The following HCFC2 variants were observed in gnomAD, a reference collection of about 807,000 sequenced individuals.
HCFC2 encodes the protein host cell factor C2.
HCFC2 carries 18 observed loss-of-function variants against 89.2 expected under a neutral mutation model. The ratio of observed to expected loss-of-function variants is 0.20; its 90% CI spans 0.14 to 0.30. HCFC2 has a LOEUF of 0.30. Ranked by LOEUF, HCFC2 falls within the 10% of genes least tolerant of loss-of-function variation. The pLI is 1.00. For missense variants in HCFC2, 578 were observed against 956.1 expected (o/e 0.60, Z 5.21); for synonymous variants, 308 against 335.7 (o/e 0.92, Z 0.90).
At chr12:104,084,630 T>G (rs1399969957) in intron 7 of HCFC2, among the ~76,000 whole-genome samples, 1 of 152,158 alleles carries the variant, frequency 6.6e-6, no homozygotes, top group African/African-American at 2.4e-5. Context: ...TTGTGTAAGT[T>G]TGAAGGAGAG....
Position 104,105,640 on chromosome 12 carries a change from G to T in HCFC2, c.*2367G>T, listed in dbSNP as rs1675273130. The T allele has an allele frequency of 6.6e-6, 1 of 150,868 alleles. No homozygotes were observed. The highest frequency in any genetic ancestry group is 3.4e-3 in the Middle Eastern group (1 of 292). 9.3% of individuals were successfully genotyped at this position (150,868 alleles called of 1,614,324 possible). A position where few individuals can be genotyped will look rare whatever the true frequency, so the allele number is the denominator to read the frequency against. ...CCAGTCATATTTATCTCTGTGATAA[G>T]GGATTGCTGACTAAAAAATGCCATT... On this transcript the variant is annotated 3_prime_UTR_variant, in exon 15 of 15. Coordinates refer to ENST00000229330, the MANE Select transcript of HCFC2 (RefSeq NM_013320.3).
rs200200721 is a variant in HCFC2, at chr12:104,068,015, G to T, written c.381G>T (p.Arg127=). 3.1e-6 allele frequency: 5 copies of T among 1,608,916 alleles called. No homozygotes were observed. The highest frequency in any genetic ancestry group is 2.2e-5 in the East Asian group (1 of 44,466). The change falls in exon 3 of 15, where the codon CGG becomes CGT. Residue 127 remains arginine (R), a synonymous_variant. Transcript: ENST00000229330. This position sits in a 1 kb window ranked among gnomAD's most constrained non-coding sequence, Gnocchi z 4.1. ...PPPSGLPPCP[R]LGHSFSLYGN... Reference sequence around the variant, plus strand: ...CTTCTGGTTTACCTCCTTGTCCTCGGCTTGGACATAGCTTCTCTTTATATG... The same window carrying T: ...CTTCTGGTTTACCTCCTTGTCCTCGTCTTGGACATAGCTTCTCTTTATATG...
chr12:104,065,831 T>C (rs1883100441), intron 1 of HCFC2, among the ~76,000 whole-genome samples: 1 of 152,162 alleles, frequency 6.6e-6, no homozygotes, highest in Non-Finnish European at 1.5e-5. Context: ...GCAGGGCGTT[T>C]TGTAAGAATT....
At chr12:104,079,776 G>A (rs1220229608) in intron 4 of HCFC2, 123 bp downstream of exon 4, 18 of 719,302 alleles carry the variant, frequency 2.5e-5, no homozygotes, top group South Asian at 1.9e-4. Flanking sequence ...TAGCCCCAGG[G>A]ACAGTGTATG....
chr12:104,103,404 T>G lies in HCFC2; in HGVS notation c.*131T>G. 1.4e-6 allele frequency: 1 copy of G among 731,860 alleles called. No homozygotes were observed. Among genetic ancestry groups the G allele is most frequent in the Non-Finnish European group, 2.2e-6 (1 of 462,866 alleles). The allele number at this position is 731,860 out of a possible 1,614,324, so 45.3% of individuals were successfully genotyped here. ...ATGAACTTGAGTTTGTAAATTGTTC[T>G]TAAAATGTATTTGCTGAATTATAGA... On this transcript the variant is annotated 3_prime_UTR_variant, in exon 15 of 15. Coordinates refer to ENST00000229330, the MANE Select transcript of HCFC2 (RefSeq NM_013320.3).
chr12:104,067,693 G>T (rs183977700), intron 2 of HCFC2, among the ~76,000 whole-genome samples: 8 of 152,296 alleles, frequency 5.3e-5, no homozygotes, highest in African/African-American at 1.9e-4. Context: ...CTTTAGAACA[G>T]TTAGTGTTTA....
At position 104,103,504 on chromosome 12, in the gene HCFC2, T is replaced by C; in HGVS notation, c.*231T>C. The C allele has an allele frequency of 2.2e-6, 1 of 461,026 alleles. No individual in the cohort carries two copies. Among genetic ancestry groups the C allele is most frequent in the Non-Finnish European group, 3.8e-6 (1 of 260,786 alleles). 28.6% of individuals were successfully genotyped at this position (461,026 alleles called of 1,614,324 possible). ...TTCTTCCTTACAGATATAGCTCTTTTATAAAGAAAAACAGTGAAATTAAGA... is the reference window on the plus strand; with the variant it reads ...TTCTTCCTTACAGATATAGCTCTTTCATAAAGAAAAACAGTGAAATTAAGA... On this transcript the variant is annotated 3_prime_UTR_variant, in exon 15 of 15. Transcript: ENST00000229330.
chr12:104,091,528 C>A (rs1884023117), intron 9 of HCFC2, among the ~76,000 whole-genome samples: 3 of 152,174 alleles, frequency 2.0e-5, no homozygotes, highest in South Asian at 4.1e-4. Context: ...TCAAAAATTC[C>A]TTTTTTGTCA....
At position 104,103,474 on chromosome 12, in the gene HCFC2, A is replaced by G; in HGVS notation, c.*201A>G. ...GCAAAGACTCTCTGAAAATTAGTAT[A>G]TGAGTTCTTCCTTACAGATATAGCT... On this transcript the variant is annotated 3_prime_UTR_variant, in exon 15 of 15. Transcript: ENST00000229330. 3.7e-6 allele frequency: 2 copies of G among 540,532 alleles called. No homozygotes were observed. Among genetic ancestry groups the G allele is most frequent in the South Asian group, 2.6e-5 (1 of 37,988 alleles). The allele number at this position is 540,532 out of a possible 1,614,324, so 33.5% of individuals were successfully genotyped here. A position where few individuals can be genotyped will look rare whatever the true frequency, so the allele number is the denominator to read the frequency against.
chr12:104,084,939 T>C (rs1181189417), intron 7 of HCFC2, among the ~76,000 whole-genome samples: 3 of 152,168 alleles, frequency 2.0e-5, no homozygotes, highest in Non-Finnish European at 4.4e-5. Flanking sequence ...AACAGCATTG[T>C]GGAGAAAATC....
intron 3 of HCFC2, among the ~76,000 whole-genome samples, chr12:104,076,811 C>T (rs1251331903): frequency 6.6e-6 from 1 of 151,690 alleles, no homozygotes; most frequent in Non-Finnish European, 1.5e-5. Flanking sequence ...CACCACCAAC[C>T]CTGATCAGAT....
At position 104,088,007 on chromosome 12, in the gene HCFC2, G is replaced by A; in HGVS notation, c.1253G>A (p.Arg418Lys). The A allele has an allele frequency of 6.2e-7, 1 of 1,608,532 alleles. No individual in the cohort carries two copies. Among genetic ancestry groups the A allele is most frequent in the Non-Finnish European group, 8.5e-7 (1 of 1,176,824 alleles). Residue 418 changes from arginine to lysine, a missense_variant, in exon 9 of 15, where the codon AGA (arginine) becomes AAA (lysine). Physicochemically the swap from Arg to Lys is conservative, Grantham distance 26 (BLOSUM62 2). This residue lies in a region of HCFC2 where 210 missense variants were observed against 251.7 expected (regional missense o/e 0.83). Coordinates refer to ENST00000229330, the MANE Select transcript of HCFC2 (RefSeq NM_013320.3). ...NMQGVRMDPH[R>K]QGSNNIVPNS... ...TCAGGAGTCAGGATGGACCCTCACA[G>A]ACAAGGCAGTAATAACATCGTTCCT... is the stretch of plus-strand genomic sequence containing the variant.
chr12:104,080,964 G>A (rs1883664717), intron 5 of HCFC2, 134 bp downstream of exon 5: 1 of 554,532 alleles, frequency 1.8e-6, no homozygotes, highest in African/African-American at 2.0e-5. Context: ...GCTGACTGAA[G>A]CTAAAATAAT....
rs759956458 is a variant in HCFC2 at position 104,079,433 on chromosome 12, A to G, written c.474-12A>G. The G allele has an allele frequency of 3.1e-6, 5 of 1,588,980 alleles. No homozygotes were observed. The highest frequency in any genetic ancestry group is 1.7e-5 in the Admixed American group (1 of 58,180). On this transcript the variant is annotated splice_polypyrimidine_tract_variant and intron_variant, in intron 3 of 14. Transcript: ENST00000229330. ...TTATCTGAATGTTTTAATTTTTTCT[A>G]TGATATCCTAGATATTTAAATGATT...
intron 8 of HCFC2, 118 bp downstream of exon 8, chr12:104,087,132 A>T: frequency 1.1e-6 from 1 of 897,354 alleles, no homozygotes; most frequent in Non-Finnish European, 1.7e-6. Flanking sequence ...AGGCAGGTGG[A>T]TCACCTGAGG....
At chr12:104,091,737 T>C (rs138543789) in intron 9 of HCFC2, among the ~76,000 whole-genome samples, 1 of 152,330 alleles carries the variant, frequency 6.6e-6, no homozygotes, top group Non-Finnish European at 1.5e-5. Flanking sequence ...AGCTGTTACT[T>C]ACTGGCTACC....
chr12:104,101,483 C>CA (rs750210384), intron 13 of HCFC2, among the ~76,000 whole-genome samples: 235 of 120,596 alleles, frequency 1.9e-3, no homozygotes, highest in Admixed American at 2.2e-3. Context: ...ACTCCGTCTC[C>CA]AAAAAAAAAA....
At chr12:104,067,005 C>T (rs1481549050) in intron 2 of HCFC2, among the ~76,000 whole-genome samples, 1 of 152,150 alleles carries the variant, frequency 6.6e-6, no homozygotes, top group African/African-American at 2.4e-5. Context: ...CCAGGCTGGT[C>T]TTGAACTCCT....
At chr12:104,092,130 T>G (rs940312440) in intron 9 of HCFC2, among the ~76,000 whole-genome samples, 39 of 152,198 alleles carry the variant, frequency 2.6e-4, no homozygotes, top group Non-Finnish European at 8.8e-5. Flanking sequence ...ACCTATAGGT[T>G]TAATAACTGA....
Sources: gnomAD v4.1 joint callset for allele counts (sites outside exome capture counted in the v4.1 genomes callset) on GRCh38, gnomAD v4.1.1 for gene constraint, gnomAD v4.1.1 regional missense constraint, Gnocchi (gnomAD v3.1) non-coding constraint, MANE v1.5 for transcripts, NCBI Gene and HGNC (gene_info 2026-07-23, HGNC 2026-07-21) for gene names.